SERBP1: variants seen among roughly 807,000 people sequenced by gnomAD.
SERBP1 encodes the protein SERPINE1 mRNA-binding protein 1.
SERBP1 carries 6 observed loss-of-function variants against 50.2 expected under a neutral mutation model. That is an observed-to-expected ratio of 0.12 (90% confidence interval 0.07 to 0.24). The LOEUF (loss-of-function observed/expected upper bound fraction) is 0.24, where lower values mean the gene tolerates loss of function less well. SERBP1 is among the 10% of genes least tolerant of loss of function. The pLI is 1.00. For synonymous variants in SERBP1, 168 were observed against 182.8 expected (o/e 0.92, Z 0.65); for missense variants, 346 against 524.9 (o/e 0.66, Z 3.33).
In SERBP1 at chr1:67,426,335, A is replaced by C. The variant is rs556689018; in HGVS notation, c.314-50T>G. On this transcript the variant is annotated intron_variant, in intron 1 of 7. Coordinates refer to ENST00000361219, the MANE Select transcript of SERBP1 (RefSeq NM_001018069.2). Reference sequence around the variant, plus strand: ...AAGCAAATTATTTTTGCAATCCAAAAACTTTAGGCCTGGACTGTCAAAAGC... The same window carrying C: ...AAGCAAATTATTTTTGCAATCCAAACACTTTAGGCCTGGACTGTCAAAAGC... The C allele has an allele frequency of 2.0e-6, 3 of 1,528,926 alleles. No individual in the cohort carries two copies. The Admixed American group carries it at 6.5e-5, about 33-fold the overall frequency. The allele number at this position is 1,528,926 out of a possible 1,614,324, so 94.7% of individuals were successfully genotyped here. A position where few individuals can be genotyped will look rare whatever the true frequency, so the allele number is the denominator to read the frequency against.
intron 5 of SERBP1, chr1:67,420,539 T>C (rs1214822378): frequency 1.2e-5 from 2 of 171,848 alleles, no homozygotes. Context: ...CCTCAGCCTA[T>C]CTTCTCCTAA....
chr1:67,426,005 AAG>A, intron 2 of SERBP1, 128 bp downstream of exon 2: 1 of 750,482 alleles, frequency 1.3e-6, no homozygotes, highest in Non-Finnish European at 2.1e-6. Context: ...CGAGCTACTC[AAG>A]AGGAGACTGA....
chr1:67,416,443 T>C (rs1388835533), intron 6 of SERBP1, among the ~76,000 whole-genome samples: 1 of 152,244 alleles, frequency 6.6e-6, no homozygotes, highest in African/African-American at 2.4e-5. Flanking sequence ...TCATGCCTGA[T>C]GTCTTCTTGT....
At chr1:67,417,661 C>T (rs941119067) in intron 6 of SERBP1, among the ~76,000 whole-genome samples, 6 of 151,856 alleles carry the variant, frequency 4.0e-5, no homozygotes, top group East Asian at 3.9e-4. Context: ...CACAGGTGCA[C>T]GCAACCACAT....
Position 67,424,934 on chromosome 1 carries a change from C to A in SERBP1, c.649G>T (p.Gly217Ter). 6.2e-7 allele frequency: 1 copy of A among 1,612,790 alleles called. No homozygotes were observed. The highest frequency in any genetic ancestry group is 2.0e-4 in the Middle Eastern group (1 of 5,042). ...CCCCAGTTGTGAGATCCGCTACCTC[C>A]ACGTTTGTCCTCGTGCTTCAGGCCA... The part of the protein sequence containing the change: ...YSGLKHEDKR[G>*]GSGSHNWGTV... Residue 217 changes from glycine to a stop codon, truncating the protein, a stop_gained, in exon 4 of 8, where the codon GGA (glycine) becomes TGA (stop). Coordinates refer to ENST00000361219, the MANE Select transcript of SERBP1 (RefSeq NM_001018069.2). LOFTEE classifies it high-confidence loss of function.
chr1:67,413,946 C>T (rs890349607), intron 7 of SERBP1, among the ~76,000 whole-genome samples: 8 of 151,972 alleles, frequency 5.3e-5, no homozygotes, highest in Non-Finnish European at 1.2e-4. Context: ...AGCTAGGTTA[C>T]AGGGATGTGC....
chr1:67,410,989 G>C lies in SERBP1; in HGVS notation c.*2218C>G, dbSNP rs1171959476. On this transcript the variant is annotated 3_prime_UTR_variant, in exon 8 of 8. Coordinates refer to ENST00000361219, the MANE Select transcript of SERBP1 (RefSeq NM_001018069.2). ...CACACAGGGGTGTGCACACAGGTCA[G>C]AAACCAGGAAACACATGACAATAAA... 1 of 152,112 alleles carries C rather than the reference G, an allele frequency of 6.6e-6. No homozygotes were observed. Among genetic ancestry groups the C allele is most frequent in the Non-Finnish European group, 1.5e-5 (1 of 67,996 alleles). The allele number at this position is 152,112 out of a possible 1,614,324, so 9.4% of individuals were successfully genotyped here.
chr1:67,427,877 AT>A (rs1400675263), intron 1 of SERBP1, among the ~76,000 whole-genome samples: 3 of 152,228 alleles, frequency 2.0e-5, no homozygotes, highest in African/African-American at 7.2e-5. Context: ...TTTTTAGAAA[AT>A]CCCTGGTCTA....
chr1:67,413,648 CA>C (rs576070396), intron 7 of SERBP1, among the ~76,000 whole-genome samples: 2,912 of 66,132 alleles, frequency 0.044, 14 homozygotes, highest in South Asian at 0.076. Context: ...GACTCCATCT[CA>C]AAAAAAAAAA....
At chr1:67,425,393 GAAC>G (rs1667336108) in intron 2 of SERBP1, among the ~76,000 whole-genome samples, 170 bp from the exon 3 acceptor site, 1 of 152,130 alleles carries the variant, frequency 6.6e-6, no homozygotes, top group South Asian at 2.1e-4. Flanking sequence ...AAGGAAACCA[GAAC>G]AAGACAGCCT....
intron 6 of SERBP1, among the ~76,000 whole-genome samples, chr1:67,417,748 C>T (rs755586538): frequency 3.3e-5 from 5 of 151,934 alleles, no homozygotes; most frequent in African/African-American, 4.8e-5. Context: ...TTTAACTCAA[C>T]AATCTGCCCA....
At position 67,430,343 on chromosome 1, in the gene SERBP1, C is replaced by T. The variant is rs1342614143; in HGVS notation, c.-43G>A. The T allele has an allele frequency of 2.7e-6, 4 of 1,491,636 alleles. No homozygotes were observed. Among genetic ancestry groups the T allele is most frequent in the Non-Finnish European group, 2.7e-6 (3 of 1,120,962 alleles). 92.4% of individuals were successfully genotyped at this position (1,491,636 alleles called of 1,614,324 possible). ...GCGTTCCTCCACGGATTGCAGCGGG[C>T]CGCGCCGAGCCAAGAGCGCCTGCTT... On this transcript the variant is annotated 5_prime_UTR_variant, in exon 1 of 8. Coordinates refer to ENST00000361219, the MANE Select transcript of SERBP1 (RefSeq NM_001018069.2).
intron 6 of SERBP1, among the ~76,000 whole-genome samples, chr1:67,419,388 C>T (rs551258240): frequency 6.6e-5 from 10 of 152,150 alleles, no homozygotes; most frequent in East Asian, 3.8e-4. Context: ...CATTGATCTG[C>T]GGGGTCAGTG....
chr1:67,418,330 T>A (rs948574532), intron 6 of SERBP1, among the ~76,000 whole-genome samples: 2 of 152,122 alleles, frequency 1.3e-5, no homozygotes, highest in African/African-American at 4.8e-5. Context: ...AAAGACAATG[T>A]CCTCATTTAC....
intron 6 of SERBP1, among the ~76,000 whole-genome samples, chr1:67,418,516 G>T (rs1381432257): frequency 2.0e-5 from 3 of 152,064 alleles, no homozygotes; most frequent in African/African-American, 7.2e-5. Flanking sequence ...CCAGCACTTT[G>T]GGAGGCTGAG....
At chr1:67,415,970 T>C (rs1332716390) in intron 6 of SERBP1, among the ~76,000 whole-genome samples, 1 of 151,404 alleles carries the variant, frequency 6.6e-6, no homozygotes, top group African/African-American at 2.4e-5. Context: ...CTTGTAAAGC[T>C]ATGCACAAAT....
chr1:67,426,071 T>A (rs926586812), intron 2 of SERBP1, 64 bp downstream of exon 2: 11 of 1,395,560 alleles, frequency 7.9e-6, no homozygotes, highest in Non-Finnish European at 1.1e-5. Flanking sequence ...GCCAAGCTTG[T>A]ACCACTGCAC....
intron 5 of SERBP1, among the ~76,000 whole-genome samples, chr1:67,422,311 G>A (rs540940708): frequency 4.6e-5 from 7 of 152,022 alleles, no homozygotes; most frequent in Non-Finnish European, 8.8e-5. Context: ...GTCAGAGTTC[G>A]AGATCAGCCT....
chr1:67,428,734 TCA>T (rs1491177826), intron 1 of SERBP1, among the ~76,000 whole-genome samples: 1 of 91,482 alleles, frequency 1.1e-5, no homozygotes, highest in African/African-American at 5.2e-5. Flanking sequence ...ACAAAAGTCC[TCA>T]AAAAAAAAAA....
Sources: allele counts gnomAD v4.1 joint callset (sites outside exome capture counted in the v4.1 genomes callset), GRCh38; gene constraint gnomAD v4.1.1; transcripts MANE v1.5; gene names NCBI Gene and HGNC (gene_info 2026-07-23, HGNC 2026-07-21).